SLC13A5: variants seen among roughly 807,000 people sequenced by gnomAD.
The protein encoded by SLC13A5 is solute carrier family 13 member 5, also known as Na(+)/citrate cotransporter.
Under a neutral mutation model 56.5 loss-of-function variants are expected in SLC13A5, and 25 were observed. The ratio of observed to expected loss-of-function variants is 0.44; its 90% confidence interval spans 0.32 to 0.62. The LOEUF (loss-of-function observed/expected upper bound fraction) is 0.62, where lower values mean the gene tolerates loss of function less well. Among genes scored for constraint, SLC13A5 ranks in the 20% least tolerant of loss-of-function variants. The pLI, the probability that SLC13A5 is intolerant of heterozygous loss-of-function variation, is 0.04. For synonymous variants in SLC13A5, 307 were observed against 301.5 expected, an observed-to-expected ratio of 1.02 and a Z score of -0.19; for missense variants, 649 against 737.8, an observed-to-expected ratio of 0.88 and a Z score of 1.39.
intron 6 of SLC13A5, among the ~76,000 whole-genome samples, chr17:6,696,805 C>G (rs1258905447): frequency 6.6e-6 from 1 of 152,112 alleles, no homozygotes; most frequent in Non-Finnish European, 1.5e-5. Flanking sequence ...AGAGCCCTCC[C>G]TCGTGAGAGC....
rs574400603 is a variant in SLC13A5 at position 6,702,718 on chromosome 17, G to A, written c.716+252C>T. On this transcript the variant is annotated intron_variant, in intron 5 of 11. Coordinates refer to ENST00000433363, the MANE Select transcript of SLC13A5 (RefSeq NM_177550.5). ...AGGTGGTGGGTCTTGCATCATAGCA[G>A]AAAGCAGACTGGGACGTTAGCTCCC... Among the ~76,000 whole-genome samples the A allele has an allele frequency of 4.3e-4, 65 of 152,348 alleles. No individual in the cohort carries two copies. In the East Asian group the frequency reaches 4.6e-3, roughly 11 times the overall value.
chr17:6,686,787 ACC>A (rs1389268305), intron 11 of SLC13A5: 1 of 169,482 alleles, frequency 5.9e-6, no homozygotes, highest in Non-Finnish European at 1.3e-5. Flanking sequence ...TCGCTTCACT[ACC>A]CTGTTGTAGA....
In SLC13A5 at chr17:6,703,992, T is replaced by C. The variant is rs758797129; in HGVS notation, c.433A>G (p.Thr145Ala). The change falls in exon 4 of 12, where the codon ACG (threonine) becomes GCG (alanine). Residue 145 changes from threonine to alanine, a missense_variant. Physicochemically the swap from Thr to Ala is moderately conservative, Grantham distance 58. Coordinates refer to ENST00000433363, the MANE Select transcript of SLC13A5 (RefSeq NM_177550.5). ...TCCACGATGGGCACCATCATGGCCG[T>C]GGTTGCCGTGTTACTGATCCACATG... Reference protein sequence around the residue: ...LSMWISNTATTAMMVPIVEAI... With the variant: ...LSMWISNTATAAMMVPIVEAI... 6.2e-7 allele frequency: 1 copy of C among 1,613,150 alleles called. No individual in the cohort carries two copies. Among genetic ancestry groups the C allele is most frequent in the South Asian group, 1.1e-5 (1 of 91,046 alleles).
At position 6,695,827 on chromosome 17, in the gene SLC13A5, G is replaced by C. The variant is rs764495638; in HGVS notation, c.954C>G (p.Asn318Lys). ...KLGPLSFAEI[N>K]VLICFFLLVI... ...CCAGCAGGAAGAAGCAGATCAGCAC[G>C]TTGATCTCCGCGAAGGACAAGGGCC... Residue 318 changes from asparagine (N) to lysine (K), a missense_variant, in exon 7 of 12, where the codon AAC (asparagine) becomes AAG (lysine). Transcript: ENST00000433363. 6.2e-7 allele frequency: 1 copy of C among 1,614,186 alleles called. No homozygotes were observed. Among genetic ancestry groups the C allele is most frequent in the Non-Finnish European group, 8.5e-7 (1 of 1,180,044 alleles).
At chr17:6,706,909 G>T (rs1190592215) in intron 2 of SLC13A5, 119 bp downstream of exon 2, 2 of 1,558,748 alleles carry the variant, frequency 1.3e-6, no homozygotes, top group East Asian at 2.3e-5. Flanking sequence ...CCCTGCCAGG[G>T]AGAATCCACA....
intron 9 of SLC13A5, among the ~76,000 whole-genome samples, chr17:6,691,954 A>G (rs1327434330): frequency 6.6e-6 from 1 of 151,700 alleles, no homozygotes; most frequent in Non-Finnish European, 1.5e-5. Flanking sequence ...AATACCTCAC[A>G]TTTTTCCCTT....
At position 6,690,957 on chromosome 17, in the gene SLC13A5, G is replaced by A. The variant is rs1973392872; in HGVS notation, c.1276-17C>T. 8 of 1,590,458 alleles carry A rather than the reference G, an allele frequency of 5.0e-6. No individual in the cohort carries two copies. Among genetic ancestry groups the A allele is most frequent in the Middle Eastern group, 1.8e-4 (1 of 5,646 alleles). ...CCCCGAGGCCTGGGAAGCACCAGGA[G>A]GGCAGTCATCTCAGCGCTCCCAGCT... is the stretch of plus-strand genomic sequence containing the variant. On this transcript the variant is annotated splice_polypyrimidine_tract_variant and intron_variant, in intron 9 of 11. Coordinates refer to ENST00000433363, the MANE Select transcript of SLC13A5 (RefSeq NM_177550.5).
At chr17:6,696,666 A>C (rs1973569978) in intron 6 of SLC13A5, among the ~76,000 whole-genome samples, 1 of 152,012 alleles carries the variant, frequency 6.6e-6, no homozygotes, top group Non-Finnish European at 1.5e-5. Flanking sequence ...TCAGCTGTGG[A>C]GGGGGGATAA....
chr17:6,694,934 A>G lies in SLC13A5; in HGVS notation c.1056-737T>C, dbSNP rs186889295. On this transcript the variant is annotated intron_variant, in intron 7 of 11. Transcript: ENST00000433363. ...GTTTCTCATCCTTTCTTCCATTCTG[A>G]CAACGTCTTAGCCAGGAGAGAAACT... 2.6e-4 allele frequency among the ~76,000 whole-genome samples: 40 copies of G among 152,260 alleles called. 1 individual carries two copies. The highest frequency in any genetic ancestry group is 9.4e-4 in the African/African-American group (39 of 41,548).
intron 1 of SLC13A5, among the ~76,000 whole-genome samples, chr17:6,710,122 G>A (rs1219977378): frequency 6.6e-6 from 1 of 152,242 alleles, no homozygotes; most frequent in East Asian, 1.9e-4. Context: ...CCCACTGTCA[G>A]CCACTGTCTG....
chr17:6,712,893 C>G (rs1597685532), intron 1 of SLC13A5, among the ~76,000 whole-genome samples: 1 of 152,256 alleles, frequency 6.6e-6, no homozygotes, highest in Non-Finnish European at 1.5e-5. Context: ...GGGTTATGCA[C>G]TGTGGGAGAT....
At chr17:6,704,851 C>T (rs1028848015) in intron 3 of SLC13A5, 1 of 154,822 alleles carries the variant, frequency 6.5e-6, no homozygotes, top group East Asian at 1.9e-4. Context: ...CTTCTCAATC[C>T]TTCCCCCTAC....
chr17:6,706,104 C>T, intron 3 of SLC13A5, among the ~76,000 whole-genome samples: 1 of 152,132 alleles, frequency 6.6e-6, no homozygotes, highest in East Asian at 1.9e-4. Context: ...ATATTGACTC[C>T]ATGGCTTAGC....
At chr17:6,690,727 C>T in intron 10 of SLC13A5, 52 bp downstream of exon 10, 2 of 1,611,772 alleles carry the variant, frequency 1.2e-6, no homozygotes, top group Non-Finnish European at 1.7e-6. Flanking sequence ...CACAATATGG[C>T]CATGTGTTCC....
intron 6 of SLC13A5, among the ~76,000 whole-genome samples, chr17:6,700,623 G>C (rs745826341): frequency 3.9e-5 from 6 of 152,198 alleles, no homozygotes; most frequent in Admixed American, 6.5e-5. Flanking sequence ...CCCAGCATCA[G>C]AGTGGTTCTG....
Position 6,687,362 on chromosome 17 carries a change from G to T in SLC13A5, c.1575+167C>A. ...GAGGCTTGAGATCATCTCAGAAAAA[G>T]AAGAAAAGCTGCATTATAAATGTCA... is the stretch of plus-strand genomic sequence containing the variant. On this transcript the variant is annotated intron_variant, in intron 11 of 11. Coordinates refer to ENST00000433363, the MANE Select transcript of SLC13A5 (RefSeq NM_177550.5). This position sits in a 1 kb window ranked among gnomAD's most constrained non-coding sequence, Gnocchi z 5.0. 1 of 914,476 alleles carries T rather than the reference G, an allele frequency of 1.1e-6. No homozygotes were observed. Among genetic ancestry groups the T allele is most frequent in the East Asian group, 2.7e-5 (1 of 37,452 alleles). 56.6% of individuals were successfully genotyped at this position (914,476 alleles called of 1,614,324 possible).
At position 6,687,549 on chromosome 17, in the gene SLC13A5, G is replaced by A; in HGVS notation, c.1555C>T (p.His519Tyr). Residue 519 changes from histidine to tyrosine, a missense_variant, in exon 11 of 12, where the codon CAC becomes TAC. Physicochemically the swap from His to Tyr is moderately conservative, Grantham distance 83. Transcript: ENST00000433363. This position sits in a 1 kb window ranked among gnomAD's most constrained non-coding sequence, Gnocchi z 5.0. ...GTTACCATGTCAGCAACCTTGAGGT[G>A]CCCATAGGTGAACACGATGGCATTT... The part of the protein sequence containing the change: ...PPNAIVFTYG[H>Y]LKVADMVKTG... The A allele has an allele frequency of 6.2e-7, 1 of 1,613,590 alleles. No homozygotes were observed.
intron 6 of SLC13A5, among the ~76,000 whole-genome samples, chr17:6,699,258 G>A (rs938213735): frequency 1.3e-4 from 20 of 152,080 alleles, no homozygotes; most frequent in African/African-American, 3.4e-4. Context: ...CCTGTTCGAC[G>A]GATGTGAACA....
intron 1 of SLC13A5, among the ~76,000 whole-genome samples, chr17:6,712,411 C>A (rs993668126): frequency 6.6e-6 from 1 of 152,228 alleles, no homozygotes; most frequent in African/African-American, 2.4e-5. Flanking sequence ...CCCAGTGGAG[C>A]CTGCGCCCAC....
Sources: allele counts gnomAD v4.1 joint callset (sites outside exome capture counted in the v4.1 genomes callset), GRCh38; gene constraint gnomAD v4.1.1; non-coding constraint Gnocchi (gnomAD v3.1); transcripts MANE v1.5; gene names NCBI Gene and HGNC (gene_info 2026-07-23, HGNC 2026-07-21).